BMP5: variants seen among roughly 807,000 people sequenced by gnomAD.
BMP5 encodes bone morphogenetic protein 5.
BMP5 carries 23 observed loss-of-function variants against 46.6 expected under a neutral mutation model. The observed-to-expected ratio is 0.49, with a 90% CI of 0.35 to 0.70. BMP5 has a LOEUF of 0.70. BMP5 is among the 30% of genes least tolerant of loss of function. The probability of loss-of-function intolerance (pLI) is 0.00; values close to 1 mark genes in which losing one functional copy is unlikely to be tolerated. For missense variants in BMP5, 545 were observed against 565.6 expected, an observed-to-expected ratio of 0.96 and a Z score of 0.37; for synonymous variants, 204 against 191.9, an observed-to-expected ratio of 1.06 and a Z score of -0.52.
Position 55,759,130 on chromosome 6 carries a change from C to T in BMP5, c.1105-15G>A, listed in dbSNP as rs759390981. 1 of 296,180 alleles carries T rather than the reference C, an allele frequency of 3.4e-6. No individual in the cohort carries two copies. The highest frequency in any genetic ancestry group is 6.0e-6 in the Non-Finnish European group (1 of 167,240). 18.3% of individuals were successfully genotyped at this position (296,180 alleles called of 1,614,324 possible). A position where few individuals can be genotyped will look rare whatever the true frequency, so the allele number is the denominator to read the frequency against. On this transcript the variant is annotated splice_polypyrimidine_tract_variant and intron_variant, in intron 5 of 6. Transcript: ENST00000370830. ...ATAATCCAGTCCTGACACATACACA[C>T]ACACACACACACACAAAAAAAAAAA...
intron 1 of BMP5, among the ~76,000 whole-genome samples, chr6:55,821,257 A>C (rs938661398): frequency 6.6e-6 from 1 of 152,154 alleles, no homozygotes; most frequent in Non-Finnish European, 1.5e-5. Context: ...CTCCATAATA[A>C]TCTCTGGTTT....
At chr6:55,820,721 T>G (rs907303176) in intron 1 of BMP5, among the ~76,000 whole-genome samples, 1 of 107,922 alleles carries the variant, frequency 9.3e-6, no homozygotes, top group Non-Finnish European at 1.9e-5. Context: ...CCCCGTGTTG[T>G]TTGTTTGTTT....
intron 1 of BMP5, among the ~76,000 whole-genome samples, chr6:55,860,791 C>T (rs1041107112): frequency 6.6e-6 from 1 of 152,178 alleles, no homozygotes; most frequent in African/African-American, 2.4e-5. Flanking sequence ...GTATTGGGAG[C>T]TGAGGATAGC....
intron 3 of BMP5, among the ~76,000 whole-genome samples, chr6:55,786,020 A>G (rs1775439409): frequency 6.6e-6 from 1 of 151,802 alleles, no homozygotes; most frequent in South Asian, 2.1e-4. Flanking sequence ...GATCCCTAAC[A>G]CAATTACTTG....
At chr6:55,760,016 C>T (rs910464481) in intron 5 of BMP5, among the ~76,000 whole-genome samples, 6 of 151,736 alleles carry the variant, frequency 4.0e-5, no homozygotes, top group Non-Finnish European at 8.8e-5. Flanking sequence ...CTAAAGGCTA[C>T]CCAAAAGATA....
chr6:55,847,985 TTTGTACAG>T (rs1777138923), intron 1 of BMP5, among the ~76,000 whole-genome samples: 2 of 151,984 alleles, frequency 1.3e-5, no homozygotes, highest in Non-Finnish European at 2.9e-5. Context: ...TGGATTTTAA[TTTGTACAG>T]TTAATCTTTT....
rs992796660 is a variant in BMP5 at position 55,856,714 on chromosome 6, G to T, written c.490+17662C>A. Among the ~76,000 whole-genome samples, 6 of 151,856 alleles carry T rather than the reference G, an allele frequency of 4.0e-5. No homozygotes were observed. In the South Asian group the frequency reaches 1.2e-3, roughly 32 times the overall value. ...ATATTTTTACACTTACATACCACCC[G>T]ATTAGTGATTGATTTAACTGTTCCA... is the stretch of plus-strand genomic sequence containing the variant. On this transcript the variant is annotated intron_variant, in intron 1 of 6. Coordinates refer to ENST00000370830, the MANE Select transcript of BMP5 (RefSeq NM_021073.4).
chr6:55,816,272 G>A (rs1426487513), intron 2 of BMP5, among the ~76,000 whole-genome samples: 2 of 152,006 alleles, frequency 1.3e-5, no homozygotes, highest in Non-Finnish European at 2.9e-5. Flanking sequence ...TGGTAGTGCT[G>A]AGGATAAAAA....
chr6:55,811,952 C>T (rs1174589047), intron 2 of BMP5, among the ~76,000 whole-genome samples: 1 of 152,204 alleles, frequency 6.6e-6, no homozygotes, highest in Non-Finnish European at 1.5e-5. Flanking sequence ...CCACCACAGT[C>T]CCTGGCCTCC....
At chr6:55,843,559 A>T (rs2127546550) in intron 1 of BMP5, among the ~76,000 whole-genome samples, 1 of 152,132 alleles carries the variant, frequency 6.6e-6, no homozygotes, top group East Asian at 1.9e-4. Context: ...TCGCTAAAGA[A>T]CTAAACGGTT....
At chr6:55,783,482 A>G (rs1054368806) in intron 3 of BMP5, among the ~76,000 whole-genome samples, 1 of 151,970 alleles carries the variant, frequency 6.6e-6, no homozygotes, top group African/African-American at 2.4e-5. Context: ...CTCATGCCTT[A>G]TAAGGATTAA....
Position 55,822,666 on chromosome 6 carries a change from G to A in BMP5, c.491-2819C>T, listed in dbSNP as rs185446151. On this transcript the variant is annotated intron_variant, in intron 1 of 6. Coordinates refer to ENST00000370830, the MANE Select transcript of BMP5 (RefSeq NM_021073.4). ...TTTGCTAGGATCCAACCTAAAGTGT[G>A]CACCTGCTTAATGCAGATGAGTATT... is the stretch of plus-strand genomic sequence containing the variant. Among the ~76,000 whole-genome samples, 645 of 152,188 alleles carry A rather than the reference G, an allele frequency of 4.2e-3. 1 individual carries two copies. Among genetic ancestry groups the A allele is most frequent in the Middle Eastern group, 6.8e-3 (2 of 294 alleles).
chr6:55,822,289 C>G (rs974769225), intron 1 of BMP5, among the ~76,000 whole-genome samples: 1 of 152,102 alleles, frequency 6.6e-6, no homozygotes, highest in Non-Finnish European at 1.5e-5. Flanking sequence ...CTGAAAACTA[C>G]GAGTTTGTTT....
chr6:55,823,531 TAACTTGTCAAAGAGCCCAA>T (rs1237110648), intron 1 of BMP5, among the ~76,000 whole-genome samples: 2 of 152,028 alleles, frequency 1.3e-5, no homozygotes, highest in Non-Finnish European at 2.9e-5. Context: ...ACTAGTTTTA[TAACTTGTCAAAGAGCCCAA>T]AACTTGTAAT....
At chr6:55,764,588 G>A (rs7746104) in intron 4 of BMP5, among the ~76,000 whole-genome samples, 18,838 of 137,352 alleles carry the variant, frequency 0.14, 1,456 homozygotes, top group Middle Eastern at 0.22. Context: ...AAAAAAAAAA[G>A]AAAAAAAGAA....
intron 1 of BMP5, among the ~76,000 whole-genome samples, chr6:55,850,366 A>C (rs1777204006): frequency 7.0e-6 from 1 of 143,332 alleles, no homozygotes; most frequent in Non-Finnish European, 1.5e-5. Flanking sequence ...AGATAGATAG[A>C]TAGATAGATA....
intron 1 of BMP5, among the ~76,000 whole-genome samples, chr6:55,871,096 C>T (rs1777775675): frequency 6.6e-6 from 1 of 151,814 alleles, no homozygotes; most frequent in Non-Finnish European, 1.5e-5. Flanking sequence ...AAATACACTA[C>T]ATGTTTTATT....
At chr6:55,850,354 G>GA (rs1777201984) in intron 1 of BMP5, among the ~76,000 whole-genome samples, 113 of 83,218 alleles carry the variant, frequency 1.4e-3, no homozygotes, top group Admixed American at 1.5e-3. Flanking sequence ...AGGTAAGTAG[G>GA]TAGATAGATA....
intron 4 of BMP5, among the ~76,000 whole-genome samples, chr6:55,761,797 G>C (rs907956356): frequency 6.6e-6 from 1 of 151,830 alleles, no homozygotes; most frequent in Non-Finnish European, 1.5e-5. Context: ...ATTTATTTAT[G>C]TGTGGCTTCT....
Sources: gnomAD v4.1 joint callset for allele counts (sites outside exome capture counted in the v4.1 genomes callset) on GRCh38, gnomAD v4.1.1 for gene constraint, MANE v1.5 for transcripts, NCBI Gene and HGNC (gene_info 2026-07-23, HGNC 2026-07-21) for gene names.